Variants in RELN observed in about 807,000 individuals in gnomAD.
The protein encoded by RELN is reelin.
Under a neutral mutation model 427.6 loss-of-function variants are expected in RELN, and 108 were observed. The ratio of observed to expected loss-of-function variants is 0.25; its 90% CI spans 0.22 to 0.30. The LOEUF is 0.30. Among genes scored for constraint, RELN ranks in the 10% least tolerant of loss-of-function variants. The pLI, the probability that RELN is intolerant of heterozygous loss-of-function variation, is 1.00. For synonymous variants in RELN, 1,524 were observed against 1,513.4 expected, an observed-to-expected ratio of 1.01 and a Z score of -0.16; for missense variants, 3,715 against 4,302.8, an observed-to-expected ratio of 0.86 and a Z score of 3.82.
At chr7:103,567,985 C>T (rs764585521) in intron 31 of RELN, among the ~76,000 whole-genome samples, 20 of 152,064 alleles carry the variant, frequency 1.3e-4, no homozygotes, top group Admixed American at 2.6e-4. Context: ...TTTGTAAAGA[C>T]GGGGTTTTGC....
At chr7:103,742,837 T>C (rs1584455703) in intron 6 of RELN, among the ~76,000 whole-genome samples, 2 of 152,320 alleles carry the variant, frequency 1.3e-5, no homozygotes, top group East Asian at 3.9e-4. Flanking sequence ...GAAAACACTC[T>C]GCAGGATATT....
At chr7:103,611,559 A>G in intron 21 of RELN, 52 bp downstream of exon 21, 4 of 1,322,688 alleles carry the variant, frequency 3.0e-6, no homozygotes, top group Non-Finnish European at 4.2e-6. Context: ...TTGGCTTCCT[A>G]GGTAAAAGGC....
rs200116608 is a variant in RELN, at chr7:103,615,563, C to A, written c.2703-3760G>T. ...CTAACAGCTGGATTATCTCACTTGA[C>A]CTTTGAGTCAAGACCCTCTGGGAGA... On this transcript the variant is annotated intron_variant, in intron 20 of 64. Coordinates refer to ENST00000428762, the MANE Select transcript of RELN (RefSeq NM_005045.4). Among the ~76,000 whole-genome samples the A allele has an allele frequency of 1.2e-4, 18 of 152,280 alleles. No homozygotes were observed. The East Asian group carries it at 3.1e-3, about 26-fold the overall frequency.
At chr7:103,880,964 A>G (rs573076200) in intron 2 of RELN, among the ~76,000 whole-genome samples, 1 of 152,258 alleles carries the variant, frequency 6.6e-6, no homozygotes, top group African/African-American at 2.4e-5. Flanking sequence ...CAAGTGCTGG[A>G]GTTACAGGTG....
At chr7:103,652,949 C>T (rs1225825065) in intron 13 of RELN, among the ~76,000 whole-genome samples, 190 bp from the exon 14 acceptor site, 1 of 152,022 alleles carries the variant, frequency 6.6e-6, no homozygotes, top group Non-Finnish European at 1.5e-5. Flanking sequence ...GATTTAGTGA[C>T]TCAGAATTCT....
intron 8 of RELN, among the ~76,000 whole-genome samples, chr7:103,716,114 T>A (rs1380154849): frequency 6.6e-6 from 1 of 152,172 alleles, no homozygotes; most frequent in Non-Finnish European, 1.5e-5. Context: ...TCCTACAGGG[T>A]GCCATTCCCG....
At chr7:103,964,490 A>G (rs1796623293) in intron 1 of RELN, among the ~76,000 whole-genome samples, 1 of 152,130 alleles carries the variant, frequency 6.6e-6, no homozygotes, top group Admixed American at 6.5e-5. Context: ...TAGAGCAATA[A>G]TATCTCACCT....
Position 103,989,068 on chromosome 7 carries a change from T to G in RELN, c.226+63A>C. 13 of 1,413,154 alleles carry G rather than the reference T, an allele frequency of 9.2e-6. No homozygotes were observed. Among genetic ancestry groups the G allele is most frequent in the Non-Finnish European group, 1.2e-5 (12 of 998,424 alleles). 87.5% of individuals were successfully genotyped at this position (1,413,154 alleles called of 1,614,324 possible). A position where few individuals can be genotyped will look rare whatever the true frequency, so the allele number is the denominator to read the frequency against. On this transcript the variant is annotated intron_variant, in intron 1 of 64. Transcript: ENST00000428762. This position sits in a 1 kb window ranked among gnomAD's most constrained non-coding sequence, Gnocchi z 4.9. ...AGGCCCCTTGGAAGAAGGAAAGGGATGAGAAAGGTGCGCTGGCGGGCGCAC... is the reference window on the plus strand; with the variant it reads ...AGGCCCCTTGGAAGAAGGAAAGGGAGGAGAAAGGTGCGCTGGCGGGCGCAC...
At chr7:103,848,873 A>C (rs39394) in intron 2 of RELN, among the ~76,000 whole-genome samples, 1 of 152,044 alleles carries the variant, frequency 6.6e-6, no homozygotes, top group Non-Finnish European at 1.5e-5. Flanking sequence ...ACCATTTCCA[A>C]GAACCTACAC....
intron 53 of RELN, among the ~76,000 whole-genome samples, chr7:103,498,508 T>C (rs1828914154): frequency 1.3e-5 from 2 of 152,192 alleles, no homozygotes; most frequent in Admixed American, 1.3e-4. Flanking sequence ...ATTTTTTTTT[T>C]TGAGACGAAG....
chr7:103,803,563 G>A (rs39326), intron 3 of RELN, among the ~76,000 whole-genome samples: 1,845 of 152,076 alleles, frequency 0.012, 14 homozygotes, highest in Non-Finnish European at 0.017. Context: ...ATACTCTTTG[G>A]CACTTTCTAA....
At chr7:103,705,079 C>T (rs556024779) in intron 8 of RELN, among the ~76,000 whole-genome samples, 58 of 152,244 alleles carry the variant, frequency 3.8e-4, no homozygotes, top group African/African-American at 1.4e-3. Context: ...GGCCCTTTTC[C>T]TCTTACTCTC....
At chr7:103,516,212 AT>A (rs926315529) in intron 49 of RELN, among the ~76,000 whole-genome samples, 3 of 152,018 alleles carry the variant, frequency 2.0e-5, no homozygotes, top group Non-Finnish European at 2.9e-5. Context: ...AACCTCTTGA[AT>A]TTATATTCAT....
At chr7:103,666,481 A>C (rs1833270651) in intron 11 of RELN, among the ~76,000 whole-genome samples, 1 of 152,090 alleles carries the variant, frequency 6.6e-6, no homozygotes, top group Non-Finnish European at 1.5e-5. Context: ...TTTATCTCAT[A>C]TCTCTCTTAT....
intron 8 of RELN, among the ~76,000 whole-genome samples, chr7:103,715,745 A>G (rs1789921357): frequency 6.6e-6 from 1 of 152,072 alleles, no homozygotes; most frequent in Non-Finnish European, 1.5e-5. Context: ...TTCTCTCCCA[A>G]TTTATGGAAG....
chr7:103,848,303 T>G (rs1464411659), intron 2 of RELN, among the ~76,000 whole-genome samples: 1 of 152,326 alleles, frequency 6.6e-6, no homozygotes, highest in South Asian at 2.1e-4. Context: ...ATTTCAACAT[T>G]TAATGAATTG....
chr7:103,486,927 A>G (rs1828461681), intron 60 of RELN, among the ~76,000 whole-genome samples: 1 of 152,244 alleles, frequency 6.6e-6, no homozygotes, highest in South Asian at 2.1e-4. Flanking sequence ...AAGGATTATA[A>G]ATCATTCTAC....
In RELN at chr7:103,697,959, T is replaced by C; in HGVS notation, c.1037A>G (p.Asp346Gly). The C allele has an allele frequency of 3.1e-6, 5 of 1,613,808 alleles. No individual in the cohort carries two copies. The highest frequency in any genetic ancestry group is 4.2e-6 in the Non-Finnish European group (5 of 1,179,834). Residue 346 changes from aspartate (D) to glycine (G), a missense_variant, in exon 10 of 65, where the codon GAT (aspartate) becomes GGT (glycine). Asp to Gly is a moderately conservative substitution (Grantham distance 94). This residue lies in a region of RELN where 2,208 missense variants were observed against 2,361.7 expected (regional missense o/e 0.93). Coordinates refer to ENST00000428762, the MANE Select transcript of RELN (RefSeq NM_005045.4). ...AGCTGAATTGATGATCAAGATGTTATCTAAGGCCCAGCAGGCTTCATACAC... is the reference window on the plus strand; with the variant it reads ...AGCTGAATTGATGATCAAGATGTTACCTAAGGCCCAGCAGGCTTCATACAC... Reference protein sequence around the residue: ...GEVYEACWALDNILIINSAHR... With the variant: ...GEVYEACWALGNILIINSAHR...
At chr7:103,590,562 CAATAAATAAATAAATA>C (rs3056325) in intron 27 of RELN, among the ~76,000 whole-genome samples, 2 of 36,132 alleles carry the variant, frequency 5.5e-5, no homozygotes, top group Non-Finnish European at 1.3e-4. Flanking sequence ...TCCATCTCAA[CAATAAATAAATAAATA>C]AATAAATAAA....
Sources: allele counts gnomAD v4.1 joint callset (sites outside exome capture counted in the v4.1 genomes callset), GRCh38; gene constraint gnomAD v4.1.1; regional missense constraint gnomAD v4.1.1; non-coding constraint Gnocchi (gnomAD v3.1); transcripts MANE v1.5; gene names NCBI Gene and HGNC (gene_info 2026-07-23, HGNC 2026-07-21).